NFATC1: variants seen among roughly 807,000 people sequenced by gnomAD.
The protein encoded by NFATC1 is nuclear factor of activated T-cells, cytoplasmic 1.
In NFATC1, 22 loss-of-function variants were observed where a neutral mutation model predicts 76.0. The ratio of observed to expected loss-of-function variants is 0.29; its 90% CI spans 0.21 to 0.41. The LOEUF (loss-of-function observed/expected upper bound fraction) is 0.41. Among genes scored for constraint, NFATC1 ranks in the 10% least tolerant of loss-of-function variants. NFATC1 has a pLI of 1.00. For missense variants in NFATC1, 1,357 were observed against 1,337.7 expected, an observed-to-expected ratio of 1.01 and a Z score of -0.23; for synonymous variants, 704 against 613.1, an observed-to-expected ratio of 1.15 and a Z score of -2.19.
At chr18:79,508,558 A>C (rs75053293) in intron 9 of NFATC1, among the ~76,000 whole-genome samples, 9,867 of 152,256 alleles carry the variant, frequency 0.065, 421 homozygotes, top group Admixed American at 0.096. Context: ...GAAGGCTCAT[A>C]AACGCACGGA....
At chr18:79,467,713 G>A in intron 8 of NFATC1, 131 bp downstream of exon 8, 1 of 1,380,306 alleles carries the variant, frequency 7.2e-7, no homozygotes, top group Non-Finnish European at 9.4e-7. Context: ...TCCCGTTAGT[G>A]AGACCGAGCC....
chr18:79,525,013 A>G (rs1318771417), intron 9 of NFATC1, among the ~76,000 whole-genome samples: 3 of 149,132 alleles, frequency 2.0e-5, no homozygotes, highest in African/African-American at 5.0e-5. Flanking sequence ...ACATCCCATC[A>G]TTACTACCCC....
chr18:79,409,248 C>T (rs576394015), intron 1 of NFATC1, among the ~76,000 whole-genome samples: 8 of 150,230 alleles, frequency 5.3e-5, no homozygotes, highest in Admixed American at 5.3e-4. Context: ...TCCATTATTC[C>T]TCCATTCCCT....
At chr18:79,447,299 C>A (rs1299158614) in intron 3 of NFATC1, among the ~76,000 whole-genome samples, 1 of 152,252 alleles carries the variant, frequency 6.6e-6, no homozygotes, top group Non-Finnish European at 1.5e-5. Flanking sequence ...CCCGCCTTCT[C>A]CCTCGCCTCG....
intron 1 of NFATC1, among the ~76,000 whole-genome samples, chr18:79,401,397 G>A (rs2085250022): frequency 6.6e-6 from 1 of 152,102 alleles, no homozygotes; most frequent in African/African-American, 2.4e-5. Context: ...GAAAATAAGC[G>A]CTCCAACCAA....
intron 1 of NFATC1, among the ~76,000 whole-genome samples, chr18:79,399,617 C>G (rs930717812): frequency 6.6e-6 from 1 of 152,246 alleles, no homozygotes; most frequent in African/African-American, 2.4e-5. Context: ...GGGACCCGAA[C>G]TCGCCTTCCC....
rs542251014 is a variant in NFATC1 at position 79,519,667 on chromosome 18, AT to A, written c.2783-7853del. ...GGTCAGTTTTTAAAACAACAGCAAGATTTTTTTTATGTTGTTTCTGCCATGT... is the reference window on the plus strand; with the variant it reads ...GGTCAGTTTTTAAAACAACAGCAAGATTTTTTTATGTTGTTTCTGCCATGT... On this transcript the variant is annotated intron_variant, in intron 9 of 9. Transcript: ENST00000427363. Among the ~76,000 whole-genome samples, 727 of 152,030 alleles carry A rather than the reference AT, an allele frequency of 4.8e-3. 6 individuals are homozygous for A. The highest frequency in any genetic ancestry group is 0.012 in the African/African-American group (488 of 41,438).
In NFATC1 at chr18:79,521,410, T is replaced by G. The variant is rs371484414; in HGVS notation, c.2783-6118T>G. The stretch of plus-strand genomic sequence containing the variant: ...ACTGATGTGTGTGTCTGTGTGTGTG[T>G]GGGGGGCATCCACTGATGTGTGTGT... On this transcript the variant is annotated intron_variant, in intron 9 of 9. Coordinates refer to ENST00000427363, the MANE Select transcript of NFATC1 (RefSeq NM_001278669.2). 5.2e-3 allele frequency among the ~76,000 whole-genome samples: 249 copies of G among 47,572 alleles called. 2 individuals carry two copies. The highest frequency in any genetic ancestry group is 0.014 in the East Asian group (20 of 1,384). The allele number at this position is 47,572 out of a possible 152,430, so 31.2% of individuals were successfully genotyped here.
chr18:79,454,755 G>C (rs1175560830), intron 6 of NFATC1, among the ~76,000 whole-genome samples: 2 of 152,044 alleles, frequency 1.3e-5, no homozygotes, highest in Non-Finnish European at 2.9e-5. Context: ...GTTGGCTGTG[G>C]GGAGCCGAGG....
intron 7 of NFATC1, among the ~76,000 whole-genome samples, chr18:79,464,591 A>G: frequency 7.3e-6 from 1 of 137,288 alleles, no homozygotes; most frequent in African/African-American, 2.8e-5. Flanking sequence ...CTGTGTGTGG[A>G]TGTTCACGCA....
chr18:79,451,921 G>A (rs2087492283), intron 6 of NFATC1, 105 bp downstream of exon 6: 1 of 1,387,968 alleles, frequency 7.2e-7, no homozygotes, highest in African/African-American at 1.5e-5. Context: ...CACCGGGACG[G>A]GGCTTATGGG....
chr18:79,522,346 G>T (rs1303289950), intron 9 of NFATC1, among the ~76,000 whole-genome samples: 3 of 108,084 alleles, frequency 2.8e-5, no homozygotes, highest in Non-Finnish European at 5.4e-5. Context: ...GTGGTGGGGG[G>T]TGTCCACTGA....
chr18:79,433,760 G>A (rs1053066989), intron 3 of NFATC1, 22 bp downstream of exon 3: 15 of 1,600,860 alleles, frequency 9.4e-6, no homozygotes, highest in African/African-American at 6.7e-5. Flanking sequence ...GGCCAGACTC[G>A]CACGTCACTT....
intron 9 of NFATC1, among the ~76,000 whole-genome samples, chr18:79,523,155 A>G (rs1177839410): frequency 6.6e-6 from 1 of 152,258 alleles, no homozygotes; most frequent in African/African-American, 2.4e-5. Context: ...GCAGGGCTGC[A>G]TAACTGCTGG....
intron 7 of NFATC1, among the ~76,000 whole-genome samples, chr18:79,463,331 G>A (rs944424484): frequency 1.3e-5 from 2 of 151,456 alleles, no homozygotes; most frequent in Admixed American, 6.6e-5. Context: ...CGGCCTACAC[G>A]GCCCGTTGTC....
chr18:79,504,499 A>G (rs1280988636), intron 9 of NFATC1, among the ~76,000 whole-genome samples: 1 of 152,234 alleles, frequency 6.6e-6, no homozygotes, highest in Non-Finnish European at 1.5e-5. Context: ...GTGGCACCCC[A>G]AAACAATGAC....
chr18:79,413,861 G>A (rs1166430499), intron 2 of NFATC1, among the ~76,000 whole-genome samples: 1 of 152,132 alleles, frequency 6.6e-6, no homozygotes, highest in Admixed American at 6.6e-5. Flanking sequence ...CCTCTGCTTG[G>A]GGGTTTCAGG....
chr18:79,398,671 G>T (rs1164914408), intron 1 of NFATC1, among the ~76,000 whole-genome samples: 3 of 152,264 alleles, frequency 2.0e-5, no homozygotes, highest in Admixed American at 2.0e-4. Flanking sequence ...GGGGCCACCA[G>T]CAGGCGGGAC....
chr18:79,488,720 A>G (rs887059432), intron 9 of NFATC1, among the ~76,000 whole-genome samples: 12 of 152,142 alleles, frequency 7.9e-5, no homozygotes, highest in Non-Finnish European at 1.6e-4. Flanking sequence ...CCATGCCTCC[A>G]GTCCCTCACC....
Sources: allele counts gnomAD v4.1 joint callset (sites outside exome capture counted in the v4.1 genomes callset), GRCh38; gene constraint gnomAD v4.1.1; transcripts MANE v1.5; gene names NCBI Gene and HGNC (gene_info 2026-07-23, HGNC 2026-07-21).